PABPC4L: variants seen among roughly 807,000 people sequenced by gnomAD.
PABPC4L encodes the protein polyadenylate-binding protein 4-like.
For missense variants in PABPC4L, 452 were observed against 451.4 expected (o/e 1.00, Z -0.01); for synonymous variants, 169 against 164.1 (o/e 1.03, Z -0.23).
At chr4:134,120,239 G>C in the PABPC4L span, among the ~76,000 whole-genome samples, 86 of 140,306 alleles carry the variant, frequency 6.1e-4, no homozygotes, top group Admixed American at 3.6e-3. Context: ...CCAGCACTTG[G>C]TATTGCATTT....
the PABPC4L span, among the ~76,000 whole-genome samples, chr4:134,069,864 A>G: frequency 6.6e-6 from 1 of 151,898 alleles, no homozygotes. Flanking sequence ...CTGGGGAAAT[A>G]GTTCAGTTAT....
the PABPC4L span, among the ~76,000 whole-genome samples, chr4:133,974,266 T>A: frequency 1.3e-5 from 2 of 152,240 alleles, no homozygotes; most frequent in East Asian, 3.9e-4. Flanking sequence ...GAATAGTCTT[T>A]TCAACACTTG....
the PABPC4L span, among the ~76,000 whole-genome samples, chr4:134,023,960 A>C: frequency 6.6e-6 from 1 of 152,170 alleles, no homozygotes; most frequent in Admixed American, 6.6e-5. Context: ...CACTTTAAAA[A>C]TAAATTGATT....
At chr4:134,154,070 C>T in the PABPC4L span, among the ~76,000 whole-genome samples, 1 of 151,894 alleles carries the variant, frequency 6.6e-6, no homozygotes, top group African/African-American at 2.4e-5. Context: ...CAAGAAAAAT[C>T]ACTCAGTAAA....
chr4:134,058,344 T>C, the PABPC4L span, among the ~76,000 whole-genome samples: 1 of 151,994 alleles, frequency 6.6e-6, no homozygotes, highest in East Asian at 1.9e-4. Flanking sequence ...TCTTTAAACA[T>C]AGTTTTGAAA....
the PABPC4L span, among the ~76,000 whole-genome samples, chr4:134,133,920 G>A: frequency 3.3e-5 from 5 of 151,886 alleles, no homozygotes; most frequent in South Asian, 1.0e-3. Context: ...TATTAAGGTT[G>A]TCAAACTGAT....
the PABPC4L span, among the ~76,000 whole-genome samples, chr4:134,051,163 G>C: frequency 2.6e-5 from 4 of 152,072 alleles, no homozygotes; most frequent in Non-Finnish European, 4.4e-5. Context: ...CCATAACAGA[G>C]TATCTTTCAT....
At chr4:134,002,518 CT>C in the PABPC4L span, among the ~76,000 whole-genome samples, 1 of 151,774 alleles carries the variant, frequency 6.6e-6, no homozygotes, top group East Asian at 1.9e-4. Flanking sequence ...CTAAATAAAT[CT>C]TCAGAGAAAC....
At chr4:134,030,871 C>T in the PABPC4L span, among the ~76,000 whole-genome samples, 1 of 151,956 alleles carries the variant, frequency 6.6e-6, no homozygotes, top group Non-Finnish European at 1.5e-5. Flanking sequence ...GTGGGTAAAA[C>T]CTAAATATTC....
chr4:134,018,164 C>T, the PABPC4L span, among the ~76,000 whole-genome samples: 9 of 152,008 alleles, frequency 5.9e-5, no homozygotes, highest in Admixed American at 5.9e-4. Flanking sequence ...TCAAAAGCTC[C>T]CTACTGAGCA....
the PABPC4L span, among the ~76,000 whole-genome samples, chr4:133,979,399 G>A: frequency 2.0e-4 from 30 of 152,088 alleles, no homozygotes; most frequent in Non-Finnish European, 4.1e-4. Context: ...GGAACCCTGA[G>A]AACAATGAGT....
chr4:134,095,570 G>T, the PABPC4L span, among the ~76,000 whole-genome samples: 2 of 151,764 alleles, frequency 1.3e-5, no homozygotes, highest in African/African-American at 4.8e-5. Flanking sequence ...TTGCATCCTT[G>T]GCCTAATATC....
At chr4:134,081,578 T>C in the PABPC4L span, among the ~76,000 whole-genome samples, 1 of 152,088 alleles carries the variant, frequency 6.6e-6, no homozygotes, top group Non-Finnish European at 1.5e-5. Context: ...AATACTTTTA[T>C]CAGTGCCTGG....
the PABPC4L span, among the ~76,000 whole-genome samples, chr4:133,958,528 C>A: frequency 6.6e-6 from 1 of 152,158 alleles, no homozygotes; most frequent in Admixed American, 6.5e-5. Flanking sequence ...CTACTCCTGG[C>A]ATCAGTTTAC....
chr4:134,068,987 G>A, the PABPC4L span, among the ~76,000 whole-genome samples: 3 of 152,132 alleles, frequency 2.0e-5, no homozygotes, highest in Non-Finnish European at 4.4e-5. Flanking sequence ...TGGGATTACA[G>A]GTGTGAGCCA....
chr4:134,065,248 C>T, the PABPC4L span, among the ~76,000 whole-genome samples: 5 of 152,056 alleles, frequency 3.3e-5, no homozygotes, highest in African/African-American at 1.2e-4. Flanking sequence ...TACAACCTCC[C>T]CAACATCTAT....
the PABPC4L span, among the ~76,000 whole-genome samples, chr4:134,008,827 C>G: frequency 6.6e-6 from 1 of 151,620 alleles, no homozygotes; most frequent in Non-Finnish European, 1.5e-5. Flanking sequence ...CAAAGGTGCT[C>G]TTACCAATGT....
At chr4:133,978,163 A>G in the PABPC4L span, 2 of 152,230 alleles carry the variant, frequency 1.3e-5, no homozygotes, top group Admixed American at 1.3e-4. Flanking sequence ...AGCAACAAGT[A>G]TGTTACAGGC....
the PABPC4L span, among the ~76,000 whole-genome samples, chr4:134,139,143 G>C: frequency 6.6e-6 from 1 of 151,874 alleles, no homozygotes; most frequent in Non-Finnish European, 1.5e-5. Context: ...ACTAAAATGT[G>C]CTAACTGTCC....
Sources: allele counts gnomAD v4.1 joint callset (sites outside exome capture counted in the v4.1 genomes callset), GRCh38; gene constraint gnomAD v4.1.1; transcripts MANE v1.5; gene names NCBI Gene and HGNC (gene_info 2026-07-23, HGNC 2026-07-21).